NOS1AP: variants seen among roughly 807,000 people sequenced by gnomAD.
The protein encoded by NOS1AP is nitric oxide synthase 1 adaptor protein, also known as carboxyl-terminal PDZ ligand of neuronal nitric oxide synthase protein.
A neutral mutation model predicts 56.2 loss-of-function variants in NOS1AP; 21 were observed. The ratio of observed to expected loss-of-function variants is 0.37; its 90% CI spans 0.26 to 0.54. The LOEUF is 0.54. Among genes scored for constraint, NOS1AP ranks in the 20% least tolerant of loss-of-function variants. NOS1AP has a pLI of 0.84. For missense variants in NOS1AP, 522 were observed against 657.8 expected (o/e 0.79, Z 2.26); for synonymous variants, 270 against 274.6 (o/e 0.98, Z 0.17).
At chr1:162,114,155 A>G (rs536758919) in intron 1 of NOS1AP, among the ~76,000 whole-genome samples, 2 of 152,282 alleles carry the variant, frequency 1.3e-5, no homozygotes, top group South Asian at 4.1e-4. Context: ...CTAAAACCCC[A>G]GTGTAGAAAG....
At chr1:162,172,113 C>T (rs1004760761) in intron 2 of NOS1AP, among the ~76,000 whole-genome samples, 1 of 152,126 alleles carries the variant, frequency 6.6e-6, no homozygotes, top group African/African-American at 2.4e-5. Flanking sequence ...TTACCCATCA[C>T]CAGTAAGACC....
At chr1:162,071,602 A>C (rs1691660822) in intron 1 of NOS1AP, among the ~76,000 whole-genome samples, 1 of 152,192 alleles carries the variant, frequency 6.6e-6, no homozygotes, top group Non-Finnish European at 1.5e-5. Flanking sequence ...CGTGGAATGC[A>C]GAGCTGAATT....
At chr1:162,363,873 TGGA>T in intron 8 of NOS1AP, 1 of 985,464 alleles carries the variant, frequency 1.0e-6, no homozygotes, top group African/African-American at 1.7e-5. Context: ...AGCAGCTTTA[TGGA>T]GGACAGATTT....
At chr1:162,177,836 A>T (rs6672222) in intron 2 of NOS1AP, among the ~76,000 whole-genome samples, 3,935 of 152,288 alleles carry the variant, frequency 0.026, 170 homozygotes, top group African/African-American at 0.089. Context: ...ATGAACCTAC[A>T]TTGACACATC....
At chr1:162,104,296 C>T (rs1241568841) in intron 1 of NOS1AP, among the ~76,000 whole-genome samples, 1 of 152,154 alleles carries the variant, frequency 6.6e-6, no homozygotes, top group East Asian at 1.9e-4. Context: ...TGATGGGCTT[C>T]CCTTTGTAGG....
chr1:162,248,283 A>AAT (rs1653737011), intron 2 of NOS1AP, among the ~76,000 whole-genome samples: 1 of 152,152 alleles, frequency 6.6e-6, no homozygotes, highest in African/African-American at 2.4e-5. Flanking sequence ...TAGAAGAGAT[A>AAT]ATTGAGACTC....
At chr1:162,256,139 G>C (rs551824525) in intron 2 of NOS1AP, among the ~76,000 whole-genome samples, 2 of 151,924 alleles carry the variant, frequency 1.3e-5, no homozygotes, top group East Asian at 3.9e-4. Context: ...GTGAGACTCT[G>C]TCTCAAGAAG....
intron 5 of NOS1AP, among the ~76,000 whole-genome samples, chr1:162,338,351 C>G (rs1367920509): frequency 1.1e-4 from 17 of 152,120 alleles, no homozygotes; most frequent in Admixed American, 1.1e-3. Context: ...TCTCTTTTCT[C>G]CTCTTATTAT....
chr1:162,356,251 G>C (rs1657701526), intron 7 of NOS1AP, among the ~76,000 whole-genome samples: 1 of 152,162 alleles, frequency 6.6e-6, no homozygotes, highest in Non-Finnish European at 1.5e-5. Flanking sequence ...GTCTTTCCCT[G>C]CCATGGAATT....
chr1:162,365,328 C>T, intron 8 of NOS1AP, 76 bp from the exon 9 acceptor site: 1 of 1,606,370 alleles, frequency 6.2e-7, no homozygotes, highest in Non-Finnish European at 8.5e-7. Flanking sequence ...CGGCCATCTG[C>T]CAGTGACTCT....
At chr1:162,165,030 ATGACTCCCT>A (rs1276744773) in intron 2 of NOS1AP, among the ~76,000 whole-genome samples, 1 of 152,190 alleles carries the variant, frequency 6.6e-6, no homozygotes, top group Non-Finnish European at 1.5e-5. Flanking sequence ...CATAAAGAAA[ATGACTCCCT>A]TGCCTGGTGT....
At chr1:162,268,842 T>C (rs1654502449) in intron 2 of NOS1AP, among the ~76,000 whole-genome samples, 1 of 151,874 alleles carries the variant, frequency 6.6e-6, no homozygotes, top group African/African-American at 2.4e-5. Flanking sequence ...GAAATACAAG[T>C]TAGAAGAGGA....
intron 1 of NOS1AP, among the ~76,000 whole-genome samples, chr1:162,115,974 T>C (rs916973358): frequency 5.1e-4 from 77 of 152,230 alleles, no homozygotes; most frequent in Admixed American, 2.0e-4. Flanking sequence ...CGATGTCAAA[T>C]ACTCAAAGTA....
At position 162,350,396 on chromosome 1, in the gene NOS1AP, G is replaced by A. The variant is rs12049272; in HGVS notation, c.596-4791G>A. 6.9e-3 allele frequency among the ~76,000 whole-genome samples: 1,048 copies of A among 152,220 alleles called. 54 individuals carry two copies. In the East Asian group the frequency reaches 0.12, roughly 17 times the overall value. On this transcript the variant is annotated intron_variant, in intron 6 of 9. Transcript: ENST00000361897. ...TGTTCTTACTACTGTTCCCTCCCTG[G>A]GGGAGTTTTGTCTTTTGTATCATTT...
At chr1:162,235,454 T>C (rs1173956394) in intron 2 of NOS1AP, among the ~76,000 whole-genome samples, 1 of 152,184 alleles carries the variant, frequency 6.6e-6, no homozygotes, top group African/African-American at 2.4e-5. Context: ...CTCTGCACCT[T>C]GCAGGTCCTC....
intron 2 of NOS1AP, among the ~76,000 whole-genome samples, chr1:162,169,472 G>T (rs1021984261): frequency 2.6e-5 from 4 of 152,192 alleles, no homozygotes; most frequent in African/African-American, 9.6e-5. Flanking sequence ...CTTAAGAAAT[G>T]CATTCCCATA....
intron 2 of NOS1AP, among the ~76,000 whole-genome samples, chr1:162,196,057 A>T (rs1484670803): frequency 6.6e-6 from 1 of 152,204 alleles, no homozygotes; most frequent in Non-Finnish European, 1.5e-5. Context: ...CAGTCTTTAG[A>T]GTTGGTTGTG....
At chr1:162,288,689 C>T (rs887546809) in intron 3 of NOS1AP, among the ~76,000 whole-genome samples, 3 of 152,186 alleles carry the variant, frequency 2.0e-5, no homozygotes, top group Non-Finnish European at 4.4e-5. Flanking sequence ...TTCATGCTCC[C>T]TCAATACTTT....
At chr1:162,320,867 A>G (rs1255803291) in intron 4 of NOS1AP, among the ~76,000 whole-genome samples, 2 of 152,254 alleles carry the variant, frequency 1.3e-5, no homozygotes, top group East Asian at 1.9e-4. Flanking sequence ...AAATAAATAA[A>G]TAAAAATAAA....
Sources: allele counts gnomAD v4.1 joint callset (sites outside exome capture counted in the v4.1 genomes callset), GRCh38; gene constraint gnomAD v4.1.1; transcripts MANE v1.5; gene names NCBI Gene and HGNC (gene_info 2026-07-23, HGNC 2026-07-21).